Variants in ARHGEF7 observed in about 807,000 individuals in gnomAD.
ARHGEF7 encodes PAK-interacting exchange factor beta.
ARHGEF7 carries 33 observed loss-of-function variants against 109.8 expected under a neutral mutation model. That is an observed-to-expected ratio of 0.30 (90% CI 0.23 to 0.40). The LOEUF (loss-of-function observed/expected upper bound fraction) is 0.40. Among genes scored for constraint, ARHGEF7 ranks in the 10% least tolerant of loss-of-function variants. ARHGEF7 has a pLI of 1.00. For synonymous variants in ARHGEF7, 458 were observed against 424.6 expected, an observed-to-expected ratio of 1.08 and a Z score of -0.97; for missense variants, 938 against 1,098.5, an observed-to-expected ratio of 0.85 and a Z score of 2.07.
At chr13:111,207,219 A>G (rs909887540) in intron 3 of ARHGEF7, among the ~76,000 whole-genome samples, 2 of 152,138 alleles carry the variant, frequency 1.3e-5, no homozygotes, top group South Asian at 2.1e-4. Flanking sequence ...TCCACGCTGG[A>G]ACACAGTGGT....
intron 5 of ARHGEF7, among the ~76,000 whole-genome samples, chr13:111,230,484 C>T (rs889276349): frequency 2.0e-5 from 3 of 152,188 alleles, no homozygotes; most frequent in Non-Finnish European, 4.4e-5. Context: ...CCTGCTGCCC[C>T]GCACCCCTCC....
intron 8 of ARHGEF7, among the ~76,000 whole-genome samples, 170 bp downstream of exon 8, chr13:111,244,464 A>G (rs2088406451): frequency 6.6e-6 from 1 of 152,186 alleles, no homozygotes; most frequent in Admixed American, 6.5e-5. Context: ...TAGACTGTCT[A>G]GTTTGTATAG....
intron 1 of ARHGEF7, among the ~76,000 whole-genome samples, chr13:111,134,644 G>GT (rs1356052099): frequency 1.3e-5 from 2 of 151,576 alleles, no homozygotes; most frequent in East Asian, 1.9e-4. Context: ...GGGGTTGTTT[G>GT]TTTTTTTCTT....
intron 5 of ARHGEF7, among the ~76,000 whole-genome samples, chr13:111,221,064 T>C (rs114407081): frequency 0.023 from 3,380 of 145,940 alleles, 129 homozygotes; most frequent in African/African-American, 0.082. Context: ...TATCTACATA[T>C]ACATATATAC....
chr13:111,142,357 A>G (rs1284218225), intron 1 of ARHGEF7, among the ~76,000 whole-genome samples: 2 of 470 alleles, frequency 4.3e-3, no homozygotes, highest in African/African-American at 9.2e-3. Flanking sequence ...CAGGCAAATT[A>G]TAAATAATGA....
intron 8 of ARHGEF7, among the ~76,000 whole-genome samples, chr13:111,245,871 G>A (rs1001838542): frequency 2.6e-5 from 4 of 152,178 alleles, no homozygotes; most frequent in African/African-American, 7.2e-5. Flanking sequence ...CGAGAAATAC[G>A]CATTAAAATG....
chr13:111,238,715 A>AT (rs1245468573), intron 6 of ARHGEF7, among the ~76,000 whole-genome samples: 1 of 151,524 alleles, frequency 6.6e-6, no homozygotes, highest in Non-Finnish European at 1.5e-5. Context: ...GGAGAGAATG[A>AT]TGGTCTGGAG....
intron 2 of ARHGEF7, among the ~76,000 whole-genome samples, chr13:111,156,449 G>C (rs1300211583): frequency 6.6e-6 from 1 of 152,214 alleles, no homozygotes; most frequent in African/African-American, 2.4e-5. Flanking sequence ...CTTAGTGTGA[G>C]TCACACTTGT....
chr13:111,173,984 A>G (rs2077853898), intron 2 of ARHGEF7, among the ~76,000 whole-genome samples: 1 of 152,152 alleles, frequency 6.6e-6, no homozygotes, highest in African/African-American at 2.4e-5. Flanking sequence ...CAAATTTGTG[A>G]TCTCCGATTG....
At chr13:111,119,258 G>A (rs2067010500) in intron 1 of ARHGEF7, among the ~76,000 whole-genome samples, 1 of 152,224 alleles carries the variant, frequency 6.6e-6, no homozygotes, top group Non-Finnish European at 1.5e-5. Flanking sequence ...GATTACATCT[G>A]CATTAACTTC....
chr13:111,295,079 A>T, intron 19 of ARHGEF7: 1 of 984,700 alleles, frequency 1.0e-6, no homozygotes, highest in Non-Finnish European at 1.2e-6. Context: ...TGAATGTTGC[A>T]TTGTATTGTA....
At chr13:111,235,357 T>G (rs1316438927) in intron 6 of ARHGEF7, among the ~76,000 whole-genome samples, 1 of 152,248 alleles carries the variant, frequency 6.6e-6, no homozygotes, top group Non-Finnish European at 1.5e-5. Context: ...ACTTCTCAGA[T>G]TGAAGCATAG....
chr13:111,265,066 G>A (rs1395164903), intron 8 of ARHGEF7, among the ~76,000 whole-genome samples: 1 of 144,512 alleles, frequency 6.9e-6, no homozygotes, highest in African/African-American at 2.6e-5. Flanking sequence ...GGAGGTTGCA[G>A]TGAGCTGAGA....
At chr13:111,205,994 G>T (rs1405128885) in intron 3 of ARHGEF7, among the ~76,000 whole-genome samples, 2 of 152,108 alleles carry the variant, frequency 1.3e-5, no homozygotes, top group Non-Finnish European at 2.9e-5. Flanking sequence ...TGATGCCAAG[G>T]TCCCCGGAGG....
intron 2 of ARHGEF7, among the ~76,000 whole-genome samples, chr13:111,192,571 T>C (rs892412712): frequency 2.6e-5 from 4 of 152,210 alleles, no homozygotes; most frequent in Non-Finnish European, 5.9e-5. Context: ...AACAAGGCCA[T>C]GGGCAAAAGA....
chr13:111,149,582 A>G (rs1355585185), intron 1 of ARHGEF7, among the ~76,000 whole-genome samples: 5 of 152,262 alleles, frequency 3.3e-5, no homozygotes. Context: ...ACCAATCAAT[A>G]CATAACCTTG....
intron 15 of ARHGEF7, among the ~76,000 whole-genome samples, chr13:111,281,497 T>G (rs2092778723): frequency 6.6e-6 from 1 of 152,230 alleles, no homozygotes; most frequent in Admixed American, 6.5e-5. Context: ...ATTGCTGTAC[T>G]CTGATATTCT....
At chr13:111,276,648 A>AGAG (rs2092502572) in intron 12 of ARHGEF7, among the ~76,000 whole-genome samples, 1 of 152,246 alleles carries the variant, frequency 6.6e-6, no homozygotes, top group Admixed American at 6.5e-5. Flanking sequence ...TCTTTATGAT[A>AGAG]GAGCTCCTCA....
chr13:111,120,203 A>G (rs2067087948), intron 1 of ARHGEF7, among the ~76,000 whole-genome samples: 1 of 152,236 alleles, frequency 6.6e-6, no homozygotes, highest in Non-Finnish European at 1.5e-5. Flanking sequence ...CTAGGGAAGA[A>G]GGTAGCTGGA....
Sources: gnomAD v4.1 joint callset for allele counts (sites outside exome capture counted in the v4.1 genomes callset) on GRCh38, gnomAD v4.1.1 for gene constraint, MANE v1.5 for transcripts, NCBI Gene and HGNC (gene_info 2026-07-23, HGNC 2026-07-21) for gene names.